The following SLC4A4 variants were observed in gnomAD, a reference collection of about 807,000 sequenced individuals.
SLC4A4 encodes electrogenic sodium bicarbonate cotransporter 1.
In SLC4A4, 27 loss-of-function variants were observed where a neutral mutation model predicts 111.5. The ratio of observed to expected loss-of-function variants is 0.24; its 90% CI spans 0.18 to 0.33. The LOEUF (loss-of-function observed/expected upper bound fraction) is 0.33, where lower values mean the gene tolerates loss of function less well. Ranked by LOEUF, SLC4A4 falls within the 10% of genes least tolerant of loss-of-function variation. The pLI is 1.00. For missense variants in SLC4A4, 909 were observed against 1,315.5 expected, an observed-to-expected ratio of 0.69 and a Z score of 4.78; for synonymous variants, 443 against 463.4, an observed-to-expected ratio of 0.96 and a Z score of 0.57.
intron 3 of SLC4A4, 42 bp downstream of exon 3, chr4:71,255,441 C>T (rs1412895995): frequency 6.3e-7 from 1 of 1,598,252 alleles, no homozygotes; most frequent in Non-Finnish European, 8.6e-7. Flanking sequence ...CTGCCTCACT[C>T]CCACATCTTT....
chr4:71,079,366 C>G (rs1741930034), intron 1 of SLC4A4, among the ~76,000 whole-genome samples: 1 of 152,138 alleles, frequency 6.6e-6, no homozygotes, highest in Admixed American at 6.5e-5. Context: ...AGGAACACAT[C>G]CTTTTGTGCT....
chr4:71,227,499 AC>A (rs1348298308), intron 1 of SLC4A4, among the ~76,000 whole-genome samples: 1 of 152,178 alleles, frequency 6.6e-6, no homozygotes, highest in African/African-American at 2.4e-5. Context: ...CTCACATCAA[AC>A]CTGAGCATTT....
At chr4:71,236,018 G>C in intron 1 of SLC4A4, 1 of 989,994 alleles carries the variant, frequency 1.0e-6, no homozygotes, top group Non-Finnish European at 1.2e-6. Flanking sequence ...GAGAATACTG[G>C]GCTGTGCTGA....
At chr4:71,498,476 T>G (rs695231) in intron 16 of SLC4A4, among the ~76,000 whole-genome samples, 1,962 of 152,274 alleles carry the variant, frequency 0.013, 46 homozygotes, top group African/African-American at 0.043. Flanking sequence ...AGTGACCTGC[T>G]CTGTACAGCT....
chr4:71,083,239 A>G (rs538951374), intron 1 of SLC4A4, among the ~76,000 whole-genome samples: 21 of 151,970 alleles, frequency 1.4e-4, no homozygotes, highest in Non-Finnish European at 2.6e-4. Flanking sequence ...ATTTAAATGT[A>G]TGATAGCATT....
intron 1 of SLC4A4, among the ~76,000 whole-genome samples, chr4:71,205,424 C>T (rs191179605): frequency 6.2e-4 from 94 of 152,256 alleles, no homozygotes; most frequent in Admixed American, 2.2e-3. Flanking sequence ...CCCCCATCCC[C>T]CAAATCAGAA....
Position 71,348,626 on chromosome 4 carries a change from A to C in SLC4A4, c.390-1286A>C, listed in dbSNP as rs1175402774. Among the ~76,000 whole-genome samples the C allele has an allele frequency of 2.0e-5, 3 of 152,302 alleles. 1 individual carries two copies. The East Asian group carries it at 5.8e-4, about 29-fold the overall frequency. On this transcript the variant is annotated intron_variant, in intron 4 of 25. Transcript: ENST00000264485. Reference sequence around the variant, plus strand: ...TTCCTGAGAGGCACATGGAGGGGAAAGTCTTTAGATACGGCTAAAATACTT... The same window carrying C: ...TTCCTGAGAGGCACATGGAGGGGAACGTCTTTAGATACGGCTAAAATACTT...
intron 2 of SLC4A4, among the ~76,000 whole-genome samples, chr4:71,169,360 G>A (rs1578546348): frequency 6.6e-6 from 1 of 151,916 alleles, no homozygotes; most frequent in East Asian, 1.9e-4. Context: ...TCTCCATAGT[G>A]GTTATACTAA....
intron 3 of SLC4A4, among the ~76,000 whole-genome samples, chr4:71,276,081 T>C (rs1372475686): frequency 6.6e-6 from 1 of 152,242 alleles, no homozygotes; most frequent in African/African-American, 2.4e-5. Context: ...GGAGACAGTA[T>C]GGCAGTCATT....
chr4:71,457,716 A>C (rs1294249763), intron 12 of SLC4A4, among the ~76,000 whole-genome samples: 1 of 152,102 alleles, frequency 6.6e-6, no homozygotes, highest in Non-Finnish European at 1.5e-5. Flanking sequence ...TCCCCTTCAT[A>C]ACTAAACTCT....
chr4:71,439,434 T>C (rs1724480552), intron 7 of SLC4A4, among the ~76,000 whole-genome samples: 1 of 5,196 alleles, frequency 1.9e-4, no homozygotes, highest in Non-Finnish European at 5.0e-4. Flanking sequence ...AGACTCTGTC[T>C]CAAAAAAAAA....
intron 16 of SLC4A4, among the ~76,000 whole-genome samples, chr4:71,503,232 T>C (rs1417926635): frequency 6.6e-6 from 1 of 150,772 alleles, no homozygotes; most frequent in Non-Finnish European, 1.5e-5. Context: ...AGGCAAACTA[T>C]AGTTTGGTCT....
chr4:71,126,407 T>C (rs1414998220), intron 2 of SLC4A4, among the ~76,000 whole-genome samples: 3 of 152,202 alleles, frequency 2.0e-5, no homozygotes, highest in African/African-American at 4.8e-5. Context: ...TTGTTTCTTT[T>C]ATTTGTTCTG....
chr4:71,557,829 C>G lies in SLC4A4; in HGVS notation c.2881C>G (p.Leu961Val), dbSNP rs376039922. 11 of 1,612,676 alleles carry G rather than the reference C, an allele frequency of 6.8e-6. No individual in the cohort carries two copies. The Admixed American group carries it at 1.8e-4, about 27-fold the overall frequency. ...GTTCACTTTCCTGCAGGTGTTGTGT[C>G]TGGCCCTGCTTTGGATCCTCAAGTC... ...HLFTFLQVLC[L>V]ALLWILKSTV... Residue 961 changes from leucine to valine, a missense_variant, in exon 22 of 26, where the codon CTG (leucine) becomes GTG (valine). Leu to Val is a conservative substitution (Grantham distance 32). Coordinates refer to ENST00000264485, the MANE Select transcript of SLC4A4 (RefSeq NM_001098484.3).
At chr4:71,448,317 C>G (rs1330620608) in intron 9 of SLC4A4, among the ~76,000 whole-genome samples, 6 of 50,962 alleles carry the variant, frequency 1.2e-4, no homozygotes, top group African/African-American at 3.2e-4. Flanking sequence ...GAGATTCCAT[C>G]TCAAAAAAAA....
chr4:71,335,759 A>G (rs1728387712), intron 3 of SLC4A4, among the ~76,000 whole-genome samples: 2 of 151,996 alleles, frequency 1.3e-5, no homozygotes, highest in South Asian at 4.1e-4. Context: ...CGGGAGGCGG[A>G]GCTTGCAGTG....
intron 6 of SLC4A4, among the ~76,000 whole-genome samples, chr4:71,357,957 C>A (rs1208095721): frequency 6.6e-6 from 1 of 152,122 alleles, no homozygotes; most frequent in Non-Finnish European, 1.5e-5. Flanking sequence ...AAGGAAAGAA[C>A]TACTAAGCAT....
chr4:71,147,014 C>T (rs560063884), intron 2 of SLC4A4, among the ~76,000 whole-genome samples: 1 of 151,664 alleles, frequency 6.6e-6, no homozygotes, highest in Admixed American at 6.6e-5. Flanking sequence ...CAGAGACACA[C>T]ATAGGCTCAA....
At chr4:71,531,833 C>T (rs2123666) in intron 16 of SLC4A4, among the ~76,000 whole-genome samples, 1 of 148,986 alleles carries the variant, frequency 6.7e-6, no homozygotes, top group East Asian at 2.0e-4. Flanking sequence ...AGAGAAAGAG[C>T]GAGCGCAACC....
Sources: gnomAD v4.1 joint callset for allele counts (sites outside exome capture counted in the v4.1 genomes callset) on GRCh38, gnomAD v4.1.1 for gene constraint, MANE v1.5 for transcripts, NCBI Gene and HGNC (gene_info 2026-07-23, HGNC 2026-07-21) for gene names.